Variants in DLG2 observed in about 807,000 individuals in gnomAD.
DLG2 encodes disks large homolog 2.
Under a neutral mutation model 132.5 loss-of-function variants are expected in DLG2, and 45 were observed. The ratio of observed to expected loss-of-function variants is 0.34; its 90% CI spans 0.27 to 0.44. The LOEUF is 0.44. Ranked by LOEUF, DLG2 falls within the 20% of genes least tolerant of loss-of-function variation. The pLI is 1.00. For missense variants in DLG2, 1,045 were observed against 1,196.9 expected, an observed-to-expected ratio of 0.87 and a Z score of 1.87; for synonymous variants, 424 against 419.6, an observed-to-expected ratio of 1.01 and a Z score of -0.13.
At chr11:84,352,710 G>A (rs1166319556) in intron 7 of DLG2, among the ~76,000 whole-genome samples, 2 of 152,140 alleles carry the variant, frequency 1.3e-5, no homozygotes, top group African/African-American at 4.8e-5. Context: ...AAATAACTTT[G>A]TGGTAATATT....
intron 5 of DLG2, among the ~76,000 whole-genome samples, chr11:85,129,087 G>A (rs1427939847): frequency 5.3e-5 from 8 of 152,276 alleles, no homozygotes; most frequent in African/African-American, 1.9e-4. Flanking sequence ...CCAGTATCCT[G>A]CTATTCACAC....
chr11:84,470,125 T>C (rs986800706), intron 7 of DLG2, among the ~76,000 whole-genome samples: 1 of 151,942 alleles, frequency 6.6e-6, no homozygotes, highest in African/African-American at 2.4e-5. Context: ...GTCATATATG[T>C]GATCAATCAT....
intron 7 of DLG2, among the ~76,000 whole-genome samples, chr11:84,450,785 C>G (rs1310826596): frequency 6.6e-6 from 1 of 151,490 alleles, no homozygotes; most frequent in African/African-American, 2.4e-5. Context: ...TCATGGTTTC[C>G]TTGTAGGGCA....
chr11:84,143,893 G>A (rs180875530), intron 9 of DLG2, among the ~76,000 whole-genome samples: 213 of 152,208 alleles, frequency 1.4e-3, no homozygotes, highest in African/African-American at 4.9e-3. Context: ...GAAAATTAAA[G>A]GGTTTGGGGA....
At chr11:83,622,409 GGGAC>G (rs1463062213) in intron 19 of DLG2, among the ~76,000 whole-genome samples, 6 of 152,170 alleles carry the variant, frequency 3.9e-5, no homozygotes, top group African/African-American at 1.4e-4. Context: ...AAGAGAGGCA[GGGAC>G]CTGGCTCATA....
chr11:84,062,130 T>A (rs2096601100), intron 10 of DLG2, among the ~76,000 whole-genome samples: 1 of 152,190 alleles, frequency 6.6e-6, no homozygotes, highest in Non-Finnish European at 1.5e-5. Context: ...TTGTATACAG[T>A]GGGATCCTTA....
At chr11:84,211,285 G>A (rs1226299188) in intron 8 of DLG2, among the ~76,000 whole-genome samples, 1 of 152,262 alleles carries the variant, frequency 6.6e-6, no homozygotes, top group East Asian at 1.9e-4. Context: ...GAATGCAAAT[G>A]ATAACCCACT....
intron 6 of DLG2, among the ~76,000 whole-genome samples, chr11:84,648,368 A>G (rs933154370): frequency 2.0e-5 from 3 of 152,190 alleles, no homozygotes; most frequent in African/African-American, 7.2e-5. Flanking sequence ...ATGGATTCAG[A>G]ATGAATGCTA....
At chr11:84,254,959 A>G (rs2097442634) in intron 7 of DLG2, among the ~76,000 whole-genome samples, 1 of 152,202 alleles carries the variant, frequency 6.6e-6, no homozygotes, top group Non-Finnish European at 1.5e-5. Context: ...TGTGACTGCC[A>G]AAGAGATGCC....
rs150234306 is a variant in DLG2, at chr11:84,359,616, C to G, written c.520-108325G>C. Among the ~76,000 whole-genome samples, 429 of 151,928 alleles carry G rather than the reference C, an allele frequency of 2.8e-3. 1 individual carries two copies. The highest frequency in any genetic ancestry group is 9.8e-3 in the African/African-American group (406 of 41,478). On this transcript the variant is annotated intron_variant, in intron 7 of 27. Coordinates refer to ENST00000376104, the MANE Select transcript of DLG2 (RefSeq NM_001142699.3). The stretch of plus-strand genomic sequence containing the variant: ...CAATTCTCATATTTTAGGAAATCCC[C>G]AAGCTTCCTTACAAATGATTCTTCC...
chr11:84,614,361 G>T (rs549541727), intron 6 of DLG2, among the ~76,000 whole-genome samples: 103 of 152,262 alleles, frequency 6.8e-4, no homozygotes, highest in Non-Finnish European at 1.4e-3. Flanking sequence ...AGAAGAAACC[G>T]TGTGGGCAAA....
chr11:85,484,448 C>T (rs566933817), intron 3 of DLG2, among the ~76,000 whole-genome samples: 1 of 151,090 alleles, frequency 6.6e-6, no homozygotes, highest in Non-Finnish European at 1.5e-5. Context: ...TCGCAACCTA[C>T]TCATCTGACA....
At chr11:84,694,970 G>T (rs1205713614) in intron 6 of DLG2, among the ~76,000 whole-genome samples, 1 of 151,530 alleles carries the variant, frequency 6.6e-6, no homozygotes, top group Non-Finnish European at 1.5e-5. Flanking sequence ...TGGCTAAATT[G>T]TTCGCCTCAT....
chr11:83,766,264 T>G (rs1283532237), intron 18 of DLG2, among the ~76,000 whole-genome samples: 2 of 152,008 alleles, frequency 1.3e-5, no homozygotes, highest in African/African-American at 4.8e-5. Flanking sequence ...TGGCTAATTT[T>G]TTGTATTTTT....
intron 3 of DLG2, among the ~76,000 whole-genome samples, chr11:85,383,370 G>T (rs1355012222): frequency 6.6e-6 from 1 of 152,106 alleles, no homozygotes; most frequent in African/African-American, 2.4e-5. Context: ...TGATAAAAAT[G>T]TTCTGGAATT....
At chr11:83,802,964 T>C (rs2044879563) in intron 17 of DLG2, among the ~76,000 whole-genome samples, 1 of 152,122 alleles carries the variant, frequency 6.6e-6, no homozygotes, top group Non-Finnish European at 1.5e-5. Flanking sequence ...TGTGAATATT[T>C]TTAAGTAAAT....
chr11:83,861,682 C>G (rs909213903), intron 16 of DLG2, among the ~76,000 whole-genome samples: 1 of 151,822 alleles, frequency 6.6e-6, no homozygotes, highest in Non-Finnish European at 1.5e-5. Flanking sequence ...CAATTGAACT[C>G]ATGGAGATTG....
chr11:83,997,097 C>A (rs2154187430), intron 11 of DLG2, among the ~76,000 whole-genome samples: 1 of 145,708 alleles, frequency 6.9e-6, no homozygotes, highest in East Asian at 2.0e-4. Context: ...TATATAACTA[C>A]TATGTACTCA....
intron 7 of DLG2, among the ~76,000 whole-genome samples, chr11:84,523,156 A>C (rs2099309669): frequency 6.6e-6 from 1 of 152,186 alleles, no homozygotes; most frequent in South Asian, 2.1e-4. Context: ...TCTTAAATTT[A>C]GATTTGTTCT....
Sources: gnomAD v4.1 joint callset for allele counts (sites outside exome capture counted in the v4.1 genomes callset) on GRCh38, gnomAD v4.1.1 for gene constraint, MANE v1.5 for transcripts, NCBI Gene and HGNC (gene_info 2026-07-23, HGNC 2026-07-21) for gene names.